Variants in DHX29 observed in about 807,000 individuals in gnomAD.
DHX29 encodes the protein DExH-box helicase 29, also known as ATP-dependent RNA helicase DHX29.
A neutral mutation model predicts 167.9 loss-of-function variants in DHX29; 79 were observed. The observed-to-expected ratio is 0.47, with a 90% confidence interval of 0.39 to 0.57. DHX29 has a LOEUF of 0.57. Among genes scored for constraint, DHX29 ranks in the 20% least tolerant of loss-of-function variants. The probability of loss-of-function intolerance (pLI) is 0.00; values close to 1 mark genes in which losing one functional copy is unlikely to be tolerated. For synonymous variants in DHX29, 530 were observed against 546.0 expected, an observed-to-expected ratio of 0.97 and a Z score of 0.41; for missense variants, 1,347 against 1,593.4, an observed-to-expected ratio of 0.85 and a Z score of 2.63.
intron 12 of DHX29, among the ~76,000 whole-genome samples, chr5:55,280,382 T>A (rs1579782853): frequency 6.6e-6 from 1 of 152,238 alleles, no homozygotes; most frequent in Non-Finnish European, 1.5e-5. Flanking sequence ...ACTTATTAAC[T>A]GCTACAGATG....
chr5:55,256,378 G>T lies in DHX29; in HGVS notation c.*110C>A. 1.1e-6 allele frequency: 1 copy of T among 933,218 alleles called. No individual in the cohort carries two copies. The highest frequency in any genetic ancestry group is 1.5e-6 in the Non-Finnish European group (1 of 648,472). The allele number at this position is 933,218 out of a possible 1,614,324, so 57.8% of individuals were successfully genotyped here. ...CCCACCACCTTTAAGTTAATGGCTA[G>T]TACCAACATTTTAAGTAATGAAATA... On this transcript the variant is annotated 3_prime_UTR_variant, in exon 27 of 27. Transcript: ENST00000251636.
intron 26 of DHX29, among the ~76,000 whole-genome samples, chr5:55,257,246 T>C (rs1378202608): frequency 3.3e-5 from 5 of 152,162 alleles, no homozygotes; most frequent in Non-Finnish European, 5.9e-5. Context: ...GAAGTTACAA[T>C]TATCAGGGCT....
Position 55,281,081 on chromosome 5 carries a change from G to A in DHX29, c.2109+291C>T, listed in dbSNP as rs10077343. ...TGTATATACACACACACACACACAC[G>A]CTATATATAACCCTTTGAATAGCAA... On this transcript the variant is annotated intron_variant, in intron 12 of 26. Coordinates refer to ENST00000251636, the MANE Select transcript of DHX29 (RefSeq NM_019030.4). 0.23 allele frequency among the ~76,000 whole-genome samples: 26,852 copies of A among 117,010 alleles called. 2,436 individuals are homozygous for A. Among genetic ancestry groups the A allele is most frequent in the East Asian group, 0.27 (888 of 3,240 alleles). 76.8% of individuals were successfully genotyped at this position (117,010 alleles called of 152,430 possible).
At position 55,275,022 on chromosome 5, in the gene DHX29, C is replaced by A; in HGVS notation, c.2428-12G>T. On this transcript the variant is annotated splice_polypyrimidine_tract_variant and intron_variant, in intron 14 of 26. Transcript: ENST00000251636. ...ACTGGGATGTATTCCTAAAAGAAATCCAACCAGAGGGAGGTGAATAAAAAT... is the reference window on the plus strand; with the variant it reads ...ACTGGGATGTATTCCTAAAAGAAATACAACCAGAGGGAGGTGAATAAAAAT... 1.2e-6 allele frequency: 2 copies of A among 1,606,946 alleles called. No homozygotes were observed. Among genetic ancestry groups the A allele is most frequent in the Non-Finnish European group, 1.7e-6 (2 of 1,178,382 alleles).
At chr5:55,296,548 A>G (rs1332363371) in intron 3 of DHX29, among the ~76,000 whole-genome samples, 199 bp from the exon 4 acceptor site, 1 of 152,224 alleles carries the variant, frequency 6.6e-6, no homozygotes, top group Non-Finnish European at 1.5e-5. Context: ...GAGAACCAGG[A>G]GAAATTATCC....
chr5:55,267,329 T>G, intron 22 of DHX29, 98 bp from the exon 23 acceptor site: 1 of 874,102 alleles, frequency 1.1e-6, no homozygotes. Context: ...TTAATTAAAT[T>G]ATAATTTTAA....
chr5:55,258,194 G>A (rs1051376216), intron 26 of DHX29, among the ~76,000 whole-genome samples: 1 of 152,126 alleles, frequency 6.6e-6, no homozygotes, highest in African/African-American at 2.4e-5. Flanking sequence ...CTGGTGTGAC[G>A]CAGTGGGGAG....
rs150041665 is a variant in DHX29, at chr5:55,264,496, C to T, written c.3526-1564G>A. On this transcript the variant is annotated intron_variant, in intron 23 of 26. Transcript: ENST00000251636. ...AGAATTTCCTGAAAAGGAATCAGAG[C>T]TCTTTGGAAACATGACTGATTCCAA... Among the ~76,000 whole-genome samples the T allele has an allele frequency of 9.9e-5, 15 of 152,284 alleles. No individual in the cohort carries two copies. In the East Asian group the frequency reaches 2.1e-3, roughly 22 times the overall value.
chr5:55,259,159 T>A (rs951229150), intron 26 of DHX29, among the ~76,000 whole-genome samples: 5 of 152,156 alleles, frequency 3.3e-5, no homozygotes, highest in African/African-American at 4.8e-5. Context: ...TATTTTTTTT[T>A]AAATAATAGC....
intron 21 of DHX29, 108 bp downstream of exon 21, chr5:55,269,305 A>T: frequency 2.0e-6 from 2 of 998,422 alleles, no homozygotes; most frequent in Non-Finnish European, 1.5e-6. Flanking sequence ...GTTCGTATAG[A>T]CATTCTATTT....
intron 12 of DHX29, among the ~76,000 whole-genome samples, chr5:55,278,489 T>C (rs2111865520): frequency 6.6e-6 from 1 of 152,270 alleles, no homozygotes; most frequent in African/African-American, 2.4e-5. Flanking sequence ...AATGAGATAA[T>C]GCAAAGCCCT....
chr5:55,295,178 A>G, intron 5 of DHX29: 3 of 521,374 alleles, frequency 5.8e-6, no homozygotes, highest in Non-Finnish European at 1.0e-5. Flanking sequence ...ATCATGAGAA[A>G]TAATAGTTGG....
rs762333386 is a variant in DHX29 at position 55,285,830 on chromosome 5, A to T, written c.1098T>A (p.Asn366Lys). 6.3e-7 allele frequency: 1 copy of T among 1,580,714 alleles called. No homozygotes were observed. ...TCCAACTTCGAGCAGTATAGTCAAAATTTCTTACATCATGAGGTTCTTTCT... is the reference window on the plus strand; with the variant it reads ...TCCAACTTCGAGCAGTATAGTCAAATTTTCTTACATCATGAGGTTCTTTCT... ...DKKKEPHDVR[N>K]FDYTARSWTG... is the part of the protein sequence containing the mutation. The change falls in exon 9 of 27, where the codon AAT becomes AAA. Residue 366 changes from asparagine to lysine, a missense_variant. Around this residue, in one of 3 missense-constraint regions of DHX29, gnomAD observed 60 missense variants for 94.2 expected, o/e 0.64. Coordinates refer to ENST00000251636, the MANE Select transcript of DHX29 (RefSeq NM_019030.4).
At position 55,283,809 on chromosome 5, in the gene DHX29, T is replaced by C. The variant is rs1380777215; in HGVS notation, c.1359A>G (p.Ser453=). 1 of 1,573,522 alleles carries C rather than the reference T, an allele frequency of 6.4e-7. No homozygotes were observed. The highest frequency in any genetic ancestry group is 1.4e-5 in the African/African-American group (1 of 72,744). Residue 453 remains serine (S), a splice_region_variant and synonymous_variant, in exon 11 of 27, where the codon TCA becomes TCG. Coordinates refer to ENST00000251636, the MANE Select transcript of DHX29 (RefSeq NM_019030.4). ...AAGTGGGAGGAAGTAACTGATGAAC[T>C]GACTAAAGGAAAAACAGAGGTATGT... ...LALYRLVKGQ[S]VHQLLPPTYR... is the part of the protein sequence containing the mutation.
In DHX29 at chr5:55,295,504, T is replaced by G; in HGVS notation, c.526A>C (p.Ser176Arg). The change falls in exon 5 of 27, where the codon AGT (serine) becomes CGT (arginine). Residue 176 changes from serine to arginine, a missense_variant. Ser to Arg is a moderately radical substitution (Grantham distance 110). Coordinates refer to ENST00000251636, the MANE Select transcript of DHX29 (RefSeq NM_019030.4). ...LSDDALPEGF[S>R]QEFEEQQPKS... Reference sequence around the variant, plus strand: ...GGTTGCTGCTCTTCAAATTCCTGACTGAATCCTTCAGGAAGTGCATCTTAA... The same window carrying G: ...GGTTGCTGCTCTTCAAATTCCTGACGGAATCCTTCAGGAAGTGCATCTTAA... The G allele has an allele frequency of 6.2e-7, 1 of 1,613,892 alleles. No homozygotes were observed. The highest frequency in any genetic ancestry group is 8.5e-7 in the Non-Finnish European group (1 of 1,179,928).
Position 55,289,257 on chromosome 5 carries a change from C to A in DHX29, c.1066+13G>T, listed in dbSNP as rs1255668020. Reference sequence around the variant, plus strand: ...TTACAAATTACACCCTGACCATCTTCCCTTAATTTTACCTTTCTCTTCTTC... The same window carrying A: ...TTACAAATTACACCCTGACCATCTTACCTTAATTTTACCTTTCTCTTCTTC... On this transcript the variant is annotated intron_variant, in intron 8 of 26. Transcript: ENST00000251636. 6.5e-7 allele frequency: 1 copy of A among 1,539,070 alleles called. No homozygotes were observed. Among genetic ancestry groups the A allele is most frequent in the Admixed American group, 2.3e-5 (1 of 44,196 alleles).
In DHX29 at chr5:55,276,251, A is replaced by G; in HGVS notation, c.2427+15T>C. 1 of 1,559,888 alleles carries G rather than the reference A, an allele frequency of 6.4e-7. No homozygotes were observed. Among genetic ancestry groups the G allele is most frequent in the African/African-American group, 1.4e-5 (1 of 71,688 alleles). ...ATATCATTATCTGATATCTTTCAAA[A>G]TATTTTCTTTTTACCTGATATTTTT... On this transcript the variant is annotated intron_variant, in intron 14 of 26. Coordinates refer to ENST00000251636, the MANE Select transcript of DHX29 (RefSeq NM_019030.4).
chr5:55,300,887 A>G lies in DHX29; in HGVS notation c.188-2223T>C, dbSNP rs547274952. 2.0e-5 allele frequency among the ~76,000 whole-genome samples: 3 copies of G among 152,304 alleles called. No individual in the cohort carries two copies. In the South Asian group the frequency reaches 6.2e-4, roughly 32 times the overall value. On this transcript the variant is annotated intron_variant, in intron 1 of 26. Transcript: ENST00000251636. ...CTTCACCATCAGAAATTTATTTCTCATAGTTCTGGAGGTTGGGAAGTCCAA... is the reference window on the plus strand; with the variant it reads ...CTTCACCATCAGAAATTTATTTCTCGTAGTTCTGGAGGTTGGGAAGTCCAA...
chr5:55,281,107 T>A (rs544396825), intron 12 of DHX29, among the ~76,000 whole-genome samples: 5 of 148,998 alleles, frequency 3.4e-5, no homozygotes, highest in Admixed American at 3.3e-4. Context: ...TGAATAGCAA[T>A]ATATATATGT....
Sources: gnomAD v4.1 joint callset for allele counts (sites outside exome capture counted in the v4.1 genomes callset) on GRCh38, gnomAD v4.1.1 for gene constraint, gnomAD v4.1.1 regional missense constraint, MANE v1.5 for transcripts, NCBI Gene and HGNC (gene_info 2026-07-23, HGNC 2026-07-21) for gene names.